Variants in VPS54 observed in about 807,000 individuals in gnomAD.
The protein encoded by VPS54 is vacuolar protein sorting-associated protein 54.
In VPS54, 45 loss-of-function variants were observed where a neutral mutation model predicts 121.5. That is an observed-to-expected ratio of 0.37 (90% CI 0.29 to 0.47). The LOEUF is 0.47. VPS54 is among the 20% of genes least tolerant of loss of function. The pLI, the probability that VPS54 is intolerant of heterozygous loss-of-function variation, is 0.99. For missense variants in VPS54, 1,090 were observed against 1,131.4 expected (o/e 0.96, Z 0.52); for synonymous variants, 371 against 385.8 (o/e 0.96, Z 0.45).
intron 1 of VPS54, among the ~76,000 whole-genome samples, chr2:64,011,375 G>A (rs1372089957): frequency 6.6e-6 from 1 of 152,048 alleles, no homozygotes; most frequent in Non-Finnish European, 1.5e-5. Context: ...AGACCATCAT[G>A]GCCAACATGG....
Position 63,920,473 on chromosome 2 carries a change from A to C in VPS54, c.2024T>G (p.Phe675Cys). Residue 675 changes from phenylalanine (F) to cysteine (C), a missense_variant, in exon 14 of 23, where the codon TTT (phenylalanine) becomes TGT (cysteine). This residue lies in a region of VPS54 where 289 missense variants were observed against 374.4 expected (regional missense o/e 0.77). Coordinates refer to ENST00000272322, the MANE Select transcript of VPS54 (RefSeq NM_016516.3). ...GAGCTTGGTTTTTCTCTCTTCATGA[A>C]ACCTATTTACAAACTTAATAGCTTG... is the stretch of plus-strand genomic sequence containing the variant. ...QSQAIKFVNR[F>C]HEERKTKLSL... 1 of 1,555,310 alleles carries C rather than the reference A, an allele frequency of 6.4e-7. No homozygotes were observed. The highest frequency in any genetic ancestry group is 8.7e-7 in the Non-Finnish European group (1 of 1,153,576).
intron 1 of VPS54, among the ~76,000 whole-genome samples, chr2:64,017,169 C>T (rs889876528): frequency 1.3e-5 from 2 of 151,476 alleles, no homozygotes; most frequent in African/African-American, 2.4e-5. Flanking sequence ...GTGAAACCCC[C>T]GTCTCTACTA....
At chr2:63,925,720 G>A (rs541313874) in intron 12 of VPS54, among the ~76,000 whole-genome samples, 36 of 152,278 alleles carry the variant, frequency 2.4e-4, no homozygotes, top group Middle Eastern at 6.8e-3. Context: ...AATGCTGAAC[G>A]AAAGAAATCA....
chr2:63,905,501 G>A (rs754197346), intron 20 of VPS54, among the ~76,000 whole-genome samples: 12 of 150,064 alleles, frequency 8.0e-5, no homozygotes, highest in African/African-American at 2.8e-4. Context: ...TACCCACATA[G>A]TTCTATATGT....
intron 11 of VPS54, among the ~76,000 whole-genome samples, chr2:63,935,102 T>G (rs1387838437): frequency 6.6e-6 from 1 of 152,148 alleles, no homozygotes; most frequent in African/African-American, 2.4e-5. Flanking sequence ...GTAAGGTACA[T>G]AGAAGAGAGA....
In VPS54 at chr2:63,951,632, T is replaced by C. The variant is rs180898603; in HGVS notation, c.1011-2469A>G. Among the ~76,000 whole-genome samples, 56 of 152,282 alleles carry C rather than the reference T, an allele frequency of 3.7e-4. No homozygotes were observed. The East Asian group carries it at 0.01, about 27-fold the overall frequency. ...GCCATATACAGTCTGTGTGCAAGTT[T>C]GGATAAATTTTAACTTTTTAAATAG... On this transcript the variant is annotated intron_variant, in intron 7 of 22. Coordinates refer to ENST00000272322, the MANE Select transcript of VPS54 (RefSeq NM_016516.3).
Position 63,981,902 on chromosome 2 carries a change from C to T in VPS54, c.137-15G>A. 1.9e-6 allele frequency: 3 copies of T among 1,602,724 alleles called. No homozygotes were observed. Among genetic ancestry groups the T allele is most frequent in the Non-Finnish European group, 2.6e-6 (3 of 1,174,844 alleles). ...ATGTGAATCACCTGCAAAAAGTAAA[C>T]AAGAGAACTCTGTAAATGCTGTAAA... On this transcript the variant is annotated splice_polypyrimidine_tract_variant and intron_variant, in intron 2 of 22. Coordinates refer to ENST00000272322, the MANE Select transcript of VPS54 (RefSeq NM_016516.3).
chr2:63,901,177 T>C (rs1363396969), intron 20 of VPS54, among the ~76,000 whole-genome samples: 2 of 152,200 alleles, frequency 1.3e-5, no homozygotes, highest in Non-Finnish European at 2.9e-5. Flanking sequence ...AAAGCTGCAA[T>C]AGAACATTGC....
chr2:63,933,165 T>C (rs1469557612), intron 12 of VPS54, among the ~76,000 whole-genome samples: 1 of 152,010 alleles, frequency 6.6e-6, no homozygotes, highest in Non-Finnish European at 1.5e-5. Context: ...TTCTGTAAAT[T>C]TGAAATTATT....
At chr2:63,962,743 A>T (rs1299926274) in intron 6 of VPS54, among the ~76,000 whole-genome samples, 1 of 152,160 alleles carries the variant, frequency 6.6e-6, no homozygotes, top group African/African-American at 2.4e-5. Flanking sequence ...CAGACATCTC[A>T]AATTACAATT....
At chr2:64,018,400 CT>C (rs1559063437) in intron 1 of VPS54, among the ~76,000 whole-genome samples, 1 of 152,146 alleles carries the variant, frequency 6.6e-6, no homozygotes, top group African/African-American at 2.4e-5. Context: ...AGGGCCTGCC[CT>C]TTCTGTCTAT....
intron 3 of VPS54, among the ~76,000 whole-genome samples, chr2:63,972,872 TATCACAAAAA>T (rs1488948478): frequency 6.7e-6 from 1 of 148,896 alleles, no homozygotes; most frequent in Non-Finnish European, 1.5e-5. Context: ...AGTGAGACTC[TATCACAAAAA>T]AAAAGAAAAA....
chr2:64,013,106 C>T (rs962542653), intron 1 of VPS54, among the ~76,000 whole-genome samples: 13 of 152,168 alleles, frequency 8.5e-5, no homozygotes, highest in South Asian at 2.1e-4. Context: ...TAAGTATCCT[C>T]TATAAATTAT....
At chr2:64,005,454 A>C (rs1003976814) in intron 1 of VPS54, among the ~76,000 whole-genome samples, 1 of 152,146 alleles carries the variant, frequency 6.6e-6, no homozygotes, top group Non-Finnish European at 1.5e-5. Flanking sequence ...GCAATAAATG[A>C]GCATAAATTA....
At chr2:63,967,556 T>TA in intron 5 of VPS54, among the ~76,000 whole-genome samples, 1 of 151,540 alleles carries the variant, frequency 6.6e-6, no homozygotes, top group East Asian at 1.9e-4. Context: ...CCGTCTCTTC[T>TA]AAAAATACTA....
intron 3 of VPS54, among the ~76,000 whole-genome samples, chr2:63,978,327 C>A (rs1172015561): frequency 1.3e-5 from 2 of 152,130 alleles, no homozygotes; most frequent in African/African-American, 2.4e-5. Context: ...TGAAGGCTGG[C>A]AGTAGGATGA....
At chr2:64,002,650 G>GA (rs1292799157) in intron 1 of VPS54, among the ~76,000 whole-genome samples, 1 of 152,186 alleles carries the variant, frequency 6.6e-6, no homozygotes, top group Non-Finnish European at 1.5e-5. Context: ...GGAGATGGCA[G>GA]AAAAATATTT....
intron 5 of VPS54, among the ~76,000 whole-genome samples, chr2:63,968,529 C>T (rs535575926): frequency 9.9e-5 from 15 of 151,638 alleles, no homozygotes; most frequent in Admixed American, 2.6e-4. Context: ...CCGGCCAACA[C>T]GGTGAAACCC....
intron 5 of VPS54, among the ~76,000 whole-genome samples, chr2:63,967,655 G>A (rs1428678451): frequency 7.2e-6 from 1 of 139,130 alleles, no homozygotes; most frequent in Non-Finnish European, 1.5e-5. Flanking sequence ...GGAGGCGGAG[G>A]TTGCAGTGAG....
Sources: gnomAD v4.1 joint callset for allele counts (sites outside exome capture counted in the v4.1 genomes callset) on GRCh38, gnomAD v4.1.1 for gene constraint, gnomAD v4.1.1 regional missense constraint, MANE v1.5 for transcripts, NCBI Gene and HGNC (gene_info 2026-07-23, HGNC 2026-07-21) for gene names.